Variants in TG observed in about 807,000 individuals in gnomAD.
TG encodes the protein thyroid hormones.
In TG, 270 loss-of-function variants were observed where a neutral mutation model predicts 324.7. The ratio of observed to expected loss-of-function variants is 0.83; its 90% CI spans 0.75 to 0.92. TG has a LOEUF of 0.92. Among genes scored for constraint, TG ranks in the 40% least tolerant of loss-of-function variants. The pLI is 0.00. For synonymous variants in TG, 1,401 were observed against 1,327.0 expected, an observed-to-expected ratio of 1.06 and a Z score of -1.21; for missense variants, 3,591 against 3,456.4, an observed-to-expected ratio of 1.04 and a Z score of -0.98.
At chr8:133,024,701 G>T (rs1236138230) in intron 40 of TG, among the ~76,000 whole-genome samples, 3 of 151,584 alleles carry the variant, frequency 2.0e-5, no homozygotes, top group African/African-American at 7.3e-5. Flanking sequence ...GAGAATGATG[G>T]CTTCCTGCTT....
intron 41 of TG, among the ~76,000 whole-genome samples, chr8:133,092,428 G>A (rs1250893470): frequency 2.0e-5 from 3 of 152,180 alleles, no homozygotes; most frequent in Non-Finnish European, 2.9e-5. Flanking sequence ...AGATAAAGCC[G>A]GAGCCCAGGG....
intron 25 of TG, 142 bp from the exon 26 acceptor site, chr8:132,941,209 A>G: frequency 9.7e-7 from 1 of 1,029,524 alleles, no homozygotes; most frequent in Non-Finnish European, 1.5e-6. Flanking sequence ...TTTGTGGCAC[A>G]GAGAGCATCT....
chr8:133,039,968 C>T (rs1837882474), intron 41 of TG: 1 of 1,527,986 alleles, frequency 6.5e-7, no homozygotes, highest in Non-Finnish European at 8.8e-7. Flanking sequence ...CACACACACA[C>T]ACACACACAC....
intron 34 of TG, among the ~76,000 whole-genome samples, chr8:132,979,522 A>G (rs966929219): frequency 2.0e-5 from 3 of 152,060 alleles, no homozygotes; most frequent in Non-Finnish European, 2.9e-5. Flanking sequence ...TCTATTCTTT[A>G]TCATCATTCA....
chr8:132,948,793 T>C lies in TG; in HGVS notation c.5251T>C (p.Leu1751=). ...ATTCTCAGGTGCCATCATCTGTGGG[T>C]TGCTGAGCTCACCCAGTGTCCTGCT... ...QVQGGAIICG[L]LSSPSVLLCN... is the part of the protein sequence containing the mutation. The change falls in exon 27 of 48, where the codon TTG becomes CTG. Residue 1751 remains leucine (L), a synonymous_variant. Transcript: ENST00000220616. 4 of 1,613,946 alleles carry C rather than the reference T, an allele frequency of 2.5e-6. No individual in the cohort carries two copies. The highest frequency in any genetic ancestry group is 3.4e-6 in the Non-Finnish European group (4 of 1,180,026).
At position 132,931,701 on chromosome 8, in the gene TG, C is replaced by T. The variant is rs553728651; in HGVS notation, c.4817-1860C>T. Among the ~76,000 whole-genome samples, 17 of 152,206 alleles carry T rather than the reference C, an allele frequency of 1.1e-4. No homozygotes were observed. The East Asian group carries it at 3.1e-3, about 28-fold the overall frequency. ...AATTGTTTTCTTGACTGAATTTGTC[C>T]CTGAGCCCGAAGCAGGGATCTGCTT... is the stretch of plus-strand genomic sequence containing the variant. On this transcript the variant is annotated intron_variant, in intron 23 of 47. Coordinates refer to ENST00000220616, the MANE Select transcript of TG (RefSeq NM_003235.5).
intron 41 of TG, chr8:133,047,714 T>A: frequency 1.4e-6 from 1 of 734,086 alleles, no homozygotes; most frequent in Non-Finnish European, 2.5e-6. Flanking sequence ...TTAACTACAT[T>A]GGATCAATTT....
At chr8:132,964,408 G>GA (rs987555497) in intron 29 of TG, among the ~76,000 whole-genome samples, 3 of 152,034 alleles carry the variant, frequency 2.0e-5, no homozygotes, top group Non-Finnish European at 4.4e-5. Flanking sequence ...AGTGCCTGGA[G>GA]AAAAAAATCA....
At chr8:133,110,460 G>T (rs760041972) in intron 43 of TG, among the ~76,000 whole-genome samples, 2 of 152,132 alleles carry the variant, frequency 1.3e-5, no homozygotes, top group Non-Finnish European at 2.9e-5. Flanking sequence ...TTATATGAAG[G>T]AATTAGCATA....
rs185159831 is a variant in TG at position 132,883,925 on chromosome 8, G to A, written c.1075+926G>A. On this transcript the variant is annotated intron_variant, in intron 8 of 47. Coordinates refer to ENST00000220616, the MANE Select transcript of TG (RefSeq NM_003235.5). ...CCAAAATCAGGGTGTCAGCGGGGCCGTGCTCCCTCTGAAAGCTCTAGGGGA... is the reference window on the plus strand; with the variant it reads ...CCAAAATCAGGGTGTCAGCGGGGCCATGCTCCCTCTGAAAGCTCTAGGGGA... Among the ~76,000 whole-genome samples the A allele has an allele frequency of 3.2e-3, 489 of 152,306 alleles. 2 individuals are homozygous for A. The highest frequency in any genetic ancestry group is 8.6e-3 in the African/African-American group (357 of 41,576).
chr8:132,969,666 A>G, intron 32 of TG, 97 bp downstream of exon 32: 1 of 965,490 alleles, frequency 1.0e-6, no homozygotes, highest in Non-Finnish European at 1.7e-6. Flanking sequence ...CATACCCAGC[A>G]CTTTGGGAGG....
Position 132,979,010 on chromosome 8 carries a change from A to T in TG, c.6200-4340A>T, listed in dbSNP as rs564560974. ...AGCAGAAAGTTCCATGCATCTTAGC[A>T]TAGAATTGCAGAGTCTCAGGCTAAG... On this transcript the variant is annotated intron_variant, in intron 34 of 47. Coordinates refer to ENST00000220616, the MANE Select transcript of TG (RefSeq NM_003235.5). Among the ~76,000 whole-genome samples the T allele has an allele frequency of 2.6e-5, 4 of 152,328 alleles. No individual in the cohort carries two copies. In the South Asian group the frequency reaches 8.3e-4, roughly 32 times the overall value.
At chr8:132,996,680 A>G (rs1032185557) in intron 35 of TG, among the ~76,000 whole-genome samples, 2 of 152,210 alleles carry the variant, frequency 1.3e-5, no homozygotes, top group Non-Finnish European at 2.9e-5. Flanking sequence ...AACAGTAAAC[A>G]TATCTAGGCA....
At chr8:133,014,459 C>G (rs1347712766) in intron 37 of TG, among the ~76,000 whole-genome samples, 1 of 152,166 alleles carries the variant, frequency 6.6e-6, no homozygotes, top group African/African-American at 2.4e-5. Flanking sequence ...ATCCCCTCCC[C>G]CACTAGACAT....
chr8:133,009,709 C>G (rs1478400705), intron 35 of TG, among the ~76,000 whole-genome samples: 2 of 151,764 alleles, frequency 1.3e-5, no homozygotes, highest in Non-Finnish European at 2.9e-5. Context: ...AAAGAGGCAA[C>G]AGAGGGCTCG....
chr8:132,908,408 G>A, intron 18 of TG, 68 bp downstream of exon 18: 3 of 1,591,084 alleles, frequency 1.9e-6, no homozygotes, highest in Non-Finnish European at 1.7e-6. Context: ...CAGAAAACCT[G>A]AGGGCTCACA....
At chr8:133,040,371 T>C (rs1410995646) in intron 41 of TG, 1 of 500,916 alleles carries the variant, frequency 2.0e-6, no homozygotes, top group African/African-American at 1.9e-5. Context: ...GAGAGAGAGG[T>C]TTAAGATCCA....
chr8:132,915,210 C>A (rs1261908657), intron 20 of TG, among the ~76,000 whole-genome samples: 1 of 152,104 alleles, frequency 6.6e-6, no homozygotes, highest in African/African-American at 2.4e-5. Context: ...CCAGGAGGCT[C>A]CTTGGCCTCA....
In TG at chr8:133,012,002, A is replaced by C; in HGVS notation, c.6364A>C (p.Asn2122His). 4.3e-6 allele frequency: 7 copies of C among 1,614,174 alleles called. No individual in the cohort carries two copies. ...VAHVSTAATS[N>H]FSAVRDLCLS... is the part of the protein sequence containing the mutation. The stretch of plus-strand genomic sequence containing the variant: ...CCATGTCAGCACTGCTGCCACCAGC[A>C]ATTTCTCTGCTGTCCGAGACCTCTG... The change falls in exon 36 of 48, where the codon AAT becomes CAT. Residue 2122 changes from asparagine (N) to histidine (H), a missense_variant. Physicochemically the swap from Asn to His is moderately conservative, Grantham distance 68. Coordinates refer to ENST00000220616, the MANE Select transcript of TG (RefSeq NM_003235.5).
Sources: allele counts gnomAD v4.1 joint callset (sites outside exome capture counted in the v4.1 genomes callset), GRCh38; gene constraint gnomAD v4.1.1; transcripts MANE v1.5; gene names NCBI Gene and HGNC (gene_info 2026-07-23, HGNC 2026-07-21).